The following GCNT1 variants were observed in gnomAD, a reference collection of about 807,000 sequenced individuals.
GCNT1 encodes beta-1,3-galactosyl-O-glycosyl-glycoprotein beta-1,6-N-acetylglucosaminyltransferase.
A neutral mutation model predicts 26.2 loss-of-function variants in GCNT1; 16 were observed. The observed-to-expected ratio is 0.61, with a 90% confidence interval of 0.41 to 0.93. GCNT1 has a LOEUF of 0.93. Among genes scored for constraint, GCNT1 ranks in the 40% least tolerant of loss-of-function variants. GCNT1 has a pLI of 0.00. For missense variants in GCNT1, 477 were observed against 526.7 expected (o/e 0.91, Z 0.92); for synonymous variants, 183 against 190.8 (o/e 0.96, Z 0.34).
chr9:76,454,271 G>A (rs1823715580), upstream of GCNT1, among the ~76,000 whole-genome samples: 5 of 151,364 alleles, frequency 3.3e-5, no homozygotes, highest in South Asian at 1.0e-3. Context: ...AGCTACTTGG[G>A]AGGCTGAGGC....
chr9:76,497,269 C>T (rs780045997), intron 2 of GCNT1, among the ~76,000 whole-genome samples: 7 of 152,096 alleles, frequency 4.6e-5, no homozygotes, highest in Admixed American at 1.3e-4. Flanking sequence ...ATAGCATGTG[C>T]GCATTTTTAC....
At chr9:76,421,827 G>A (rs972818582) in intron 1 of GCNT1, among the ~76,000 whole-genome samples, 2 of 151,276 alleles carry the variant, frequency 1.3e-5, no homozygotes, top group Non-Finnish European at 2.9e-5. Flanking sequence ...CCAAGTAGCT[G>A]GGACTACACA....
rs773066091 is a variant in GCNT1, at chr9:76,504,621, A to G, written c.*953A>G. The G allele has an allele frequency of 2.9e-5, 12 of 411,750 alleles. No individual in the cohort carries two copies. Among genetic ancestry groups the G allele is most frequent in the Non-Finnish European group, 4.9e-5 (11 of 225,724 alleles). The allele number at this position is 411,750 out of a possible 1,614,324, so 25.5% of individuals were successfully genotyped here. A position where few individuals can be genotyped will look rare whatever the true frequency, so the allele number is the denominator to read the frequency against. On this transcript the variant is annotated 3_prime_UTR_variant, in exon 4 of 4. Transcript: ENST00000376730. Reference sequence around the variant, plus strand: ...GGGGGGAGAAAAGGAATGTATTTAAACAATTTCCGATGCCCATGATGAGTT... The same window carrying G: ...GGGGGGAGAAAAGGAATGTATTTAAGCAATTTCCGATGCCCATGATGAGTT...
chr9:76,468,917 G>A (rs1181043466), intron 2 of GCNT1, among the ~76,000 whole-genome samples: 1 of 152,138 alleles, frequency 6.6e-6, no homozygotes, highest in Non-Finnish European at 1.5e-5. Context: ...AGTTATCAAA[G>A]CTCTCAAAGG....
intron 1 of GCNT1, among the ~76,000 whole-genome samples, chr9:76,434,654 A>G (rs1329800478): frequency 1.3e-5 from 2 of 152,244 alleles, no homozygotes; most frequent in Non-Finnish European, 2.9e-5. Context: ...CACCGATTTT[A>G]GGGAACAAGG....
intron 1 of GCNT1, among the ~76,000 whole-genome samples, chr9:76,459,836 C>T (rs1336848399): frequency 1.3e-5 from 2 of 152,188 alleles, no homozygotes; most frequent in South Asian, 4.1e-4. Flanking sequence ...TCCGAAGCCT[C>T]TCCTTTCCTG....
the GCNT1 span, among the ~76,000 whole-genome samples, chr9:76,402,834 C>A: frequency 1.3e-5 from 2 of 152,132 alleles, no homozygotes; most frequent in African/African-American, 2.4e-5. Context: ...CACGCGCCAC[C>A]ACGCCCGGCT....
upstream of GCNT1, among the ~76,000 whole-genome samples, chr9:76,454,950 C>T (rs945285203): frequency 7.6e-5 from 11 of 145,554 alleles, no homozygotes; most frequent in Admixed American, 7.1e-5. Context: ...CGGGTTCAAG[C>T]GACTCTCCTG....
At chr9:76,420,403 A>G (rs1427010557) in intron 1 of GCNT1, among the ~76,000 whole-genome samples, 3 of 152,006 alleles carry the variant, frequency 2.0e-5, no homozygotes, top group African/African-American at 4.8e-5. Context: ...CCTCCCGAGA[A>G]GCCGGGATTA....
chr9:76,467,473 A>G (rs887779316), intron 2 of GCNT1, among the ~76,000 whole-genome samples: 1 of 152,058 alleles, frequency 6.6e-6, no homozygotes, highest in Admixed American at 6.6e-5. Context: ...GCTATACATT[A>G]GGAACACCTG....
chr9:76,454,478 T>A (rs116463830), upstream of GCNT1, among the ~76,000 whole-genome samples: 1,282 of 151,038 alleles, frequency 8.5e-3, 14 homozygotes, highest in African/African-American at 0.029. Flanking sequence ...GGACAGAGTT[T>A]CTTTGTGGTC....
chr9:76,440,631 G>A (rs993812429), upstream of GCNT1, among the ~76,000 whole-genome samples: 1 of 152,180 alleles, frequency 6.6e-6, no homozygotes, highest in African/African-American at 2.4e-5. Context: ...AGGGGAGAAT[G>A]AGCTGCACTC....
chr9:76,460,987 T>C (rs1823859768), intron 2 of GCNT1, among the ~76,000 whole-genome samples: 1 of 152,190 alleles, frequency 6.6e-6, no homozygotes, highest in African/African-American at 2.4e-5. Context: ...CGTTTGTAAT[T>C]GAATTGCTTA....
At chr9:76,438,596 G>A (rs1238712460), upstream of GCNT1, among the ~76,000 whole-genome samples, 1 of 152,006 alleles carries the variant, frequency 6.6e-6, no homozygotes, top group Non-Finnish European at 1.5e-5. Flanking sequence ...TGAAAGGAGG[G>A]GTTCATTCAG....
chr9:76,406,357 A>G, the GCNT1 span, among the ~76,000 whole-genome samples: 1 of 151,918 alleles, frequency 6.6e-6, no homozygotes, highest in African/African-American at 2.4e-5. Context: ...TTAGCTGGGC[A>G]TGGGTGATAT....
exon 1 of GCNT1, chr9:76,441,936 T>C (rs1339596606): frequency 1.3e-5 from 2 of 152,196 alleles, no homozygotes; most frequent in Non-Finnish European, 2.9e-5. Flanking sequence ...AATATGGTTT[T>C]GGATTTAAAA....
At chr9:76,459,453 G>A (rs1416949979) in intron 1 of GCNT1, 148 bp downstream of exon 1, 1 of 152,266 alleles carries the variant, frequency 6.6e-6, no homozygotes, top group Non-Finnish European at 1.5e-5. Context: ...AGCAGAACCG[G>A]GGTGCGCCCG....
At chr9:76,433,242 C>T (rs1488399487) in intron 1 of GCNT1, among the ~76,000 whole-genome samples, 1 of 152,210 alleles carries the variant, frequency 6.6e-6, no homozygotes, top group Non-Finnish European at 1.5e-5. Flanking sequence ...CTCTTCGGAG[C>T]TCAGCAGTTG....
chr9:76,445,031 T>C (rs1823552883), intron 1 of GCNT1, among the ~76,000 whole-genome samples: 1 of 152,190 alleles, frequency 6.6e-6, no homozygotes, highest in Non-Finnish European at 1.5e-5. Context: ...TATCTGGCCC[T>C]TTCCAGAAAA....
Sources: gnomAD v4.1 joint callset for allele counts (sites outside exome capture counted in the v4.1 genomes callset) on GRCh38, gnomAD v4.1.1 for gene constraint, MANE v1.5 for transcripts, NCBI Gene and HGNC (gene_info 2026-07-23, HGNC 2026-07-21) for gene names.